Variants in OAS2 observed in about 807,000 individuals in gnomAD.
The protein encoded by OAS2 is 2'-5'-oligoadenylate synthase 2.
Under a neutral mutation model 71.3 loss-of-function variants are expected in OAS2, and 67 were observed. That is an observed-to-expected ratio of 0.94 (90% CI 0.77 to 1.15). The LOEUF (loss-of-function observed/expected upper bound fraction) is 1.15. Among genes scored for constraint, OAS2 ranks in the 50% most tolerant of loss-of-function variants. The probability of loss-of-function intolerance (pLI) is 0.00; values close to 1 mark genes in which losing one functional copy is unlikely to be tolerated. For synonymous variants in OAS2, 327 were observed against 321.8 expected (o/e 1.02, Z -0.17); for missense variants, 789 against 822.5 (o/e 0.96, Z 0.50).
intron 2 of OAS2, among the ~76,000 whole-genome samples, chr12:112,993,291 C>T (rs1412818832): frequency 6.6e-6 from 1 of 152,188 alleles, no homozygotes; most frequent in Non-Finnish European, 1.5e-5. Flanking sequence ...GCAAGAAGTA[C>T]CTATTTACTT....
At chr12:113,001,633 A>G (rs2136391273) in intron 5 of OAS2, among the ~76,000 whole-genome samples, 1 of 151,154 alleles carries the variant, frequency 6.6e-6, no homozygotes, top group South Asian at 2.1e-4. Flanking sequence ...ATAGCATAGC[A>G]TCTTCCAGCC....
rs753899364 is a variant in OAS2 at position 113,007,705 on chromosome 12, T to C, written c.1657T>C (p.Cys553Arg). 6.2e-7 allele frequency: 1 copy of C among 1,613,308 alleles called. No homozygotes were observed. The highest frequency in any genetic ancestry group is 1.1e-5 in the South Asian group (1 of 90,978). ...GTCTGATGTTCCCACTCTTACCTAG[T>C]GTGAAAGGAAACTGAAGCCAAAGGG... ...IRLVKHWYKE[C>R]ERKLKPKGSL... Residue 553 changes from cysteine (C) to arginine (R), a missense_variant and splice_region_variant, in exon 9 of 10, where the codon TGT becomes CGT. Cys to Arg is a radical substitution (Grantham distance 180). Coordinates refer to ENST00000392583, the MANE Select transcript of OAS2 (RefSeq NM_002535.3).
rs772486841 is a variant in OAS2 at position 113,009,807 on chromosome 12, C to T, written c.*552C>T. Reference sequence around the variant, plus strand: ...AGGTGGCTACAAAGATGACTGTGGACGTGGGTTGCACTGGCCACCCAAGGA... The same window carrying T: ...AGGTGGCTACAAAGATGACTGTGGATGTGGGTTGCACTGGCCACCCAAGGA... On this transcript the variant is annotated 3_prime_UTR_variant, in exon 10 of 10. Transcript: ENST00000392583. 16 of 986,702 alleles carry T rather than the reference C, an allele frequency of 1.6e-5. No homozygotes were observed. The highest frequency in any genetic ancestry group is 1.9e-5 in the Non-Finnish European group (16 of 831,092). The allele number at this position is 986,702 out of a possible 1,614,324, so 61.1% of individuals were successfully genotyped here. A position where few individuals can be genotyped will look rare whatever the true frequency, so the allele number is the denominator to read the frequency against.
Position 112,978,821 on chromosome 12 carries a change from A to G in OAS2, c.177+36A>G. The G allele has an allele frequency of 6.3e-7, 1 of 1,577,056 alleles. No homozygotes were observed. Among genetic ancestry groups the G allele is most frequent in the Non-Finnish European group, 8.6e-7 (1 of 1,159,562 alleles). On this transcript the variant is annotated intron_variant, in intron 1 of 9. Coordinates refer to ENST00000392583, the MANE Select transcript of OAS2 (RefSeq NM_002535.3). This position sits in a 1 kb window ranked among gnomAD's most constrained non-coding sequence, Gnocchi z 4.2. ...GGCTGAGGTTGGGTCTCTGGGAGGC[A>G]GGAGATTCCACGGCGGCAGCAAGGC...
At chr12:112,994,929 C>A (rs2044221231) in intron 2 of OAS2, among the ~76,000 whole-genome samples, 1 of 152,204 alleles carries the variant, frequency 6.6e-6, no homozygotes, top group Non-Finnish European at 1.5e-5. Flanking sequence ...ACTTTCCTTT[C>A]TTCCAGATGT....
At chr12:112,988,729 C>T in intron 2 of OAS2, 1 of 985,404 alleles carries the variant, frequency 1.0e-6, no homozygotes, top group Non-Finnish European at 1.2e-6. Context: ...AAGAATGGCG[C>T]ATTCCTCCTT....
At chr12:113,008,859 C>A (rs907347433) in intron 9 of OAS2, among the ~76,000 whole-genome samples, 1 of 152,124 alleles carries the variant, frequency 6.6e-6, no homozygotes, top group Non-Finnish European at 1.5e-5. Context: ...ACTCCTGGCC[C>A]TCAAGTGATC....
Position 113,003,086 on chromosome 12 carries a change from A to G in OAS2, c.1163A>G (p.Lys388Arg). 1 of 1,614,150 alleles carries G rather than the reference A, an allele frequency of 6.2e-7. No individual in the cohort carries two copies. Among genetic ancestry groups the G allele is most frequent in the Non-Finnish European group, 8.5e-7 (1 of 1,179,998 alleles). Residue 388 changes from lysine (K) to arginine (R), a missense_variant, in exon 6 of 10, where the codon AAG becomes AGG. Transcript: ENST00000392583. ...KENCFRQSTA[K>R]IQIVRGGSTA... ...AACTGCTTCCGACAATCAACAGCCA[A>G]GATCCAGATTGTCCGGGTGAGCACT...
intron 5 of OAS2, among the ~76,000 whole-genome samples, chr12:112,999,915 C>A (rs1339959205): frequency 6.6e-6 from 1 of 152,112 alleles, no homozygotes; most frequent in Non-Finnish European, 1.5e-5. Context: ...TGTTTTTAAT[C>A]TTTTTTTAAG....
At chr12:113,003,756 T>C (rs1036160770) in intron 6 of OAS2, among the ~76,000 whole-genome samples, 7 of 152,202 alleles carry the variant, frequency 4.6e-5, no homozygotes, top group African/African-American at 1.7e-4. Context: ...CACGACCAGA[T>C]AAACGTGTCC....
At chr12:112,994,375 C>A (rs1299463417) in intron 2 of OAS2, among the ~76,000 whole-genome samples, 1 of 152,148 alleles carries the variant, frequency 6.6e-6, no homozygotes, top group Non-Finnish European at 1.5e-5. Flanking sequence ...CTAGACTGAA[C>A]CCCTGGTGTT....
At chr12:112,992,170 G>A (rs903698542) in intron 2 of OAS2, among the ~76,000 whole-genome samples, 5 of 152,118 alleles carry the variant, frequency 3.3e-5, no homozygotes, top group Non-Finnish European at 5.9e-5. Context: ...TGAGGCAAGA[G>A]GATTACTTGA....
chr12:112,983,383 G>C (rs756505773), intron 1 of OAS2, among the ~76,000 whole-genome samples: 1 of 151,984 alleles, frequency 6.6e-6, no homozygotes, highest in African/African-American at 2.4e-5. Flanking sequence ...GCACCACCAC[G>C]CCCGGCTAAT....
rs1473551037 is a variant in OAS2, at chr12:113,006,721, A to T, written c.1656+121A>T. Reference sequence around the variant, plus strand: ...CTGAGCCACTTTGGAGAATCTGCCCACTGGATATCTTTACGACGTTCCCAT... The same window carrying T: ...CTGAGCCACTTTGGAGAATCTGCCCTCTGGATATCTTTACGACGTTCCCAT... On this transcript the variant is annotated intron_variant, in intron 8 of 9. Transcript: ENST00000392583. 7.5e-6 allele frequency: 6 copies of T among 796,082 alleles called. No individual in the cohort carries two copies. In the East Asian group the frequency reaches 1.5e-4, roughly 20 times the overall value. The allele number at this position is 796,082 out of a possible 1,614,324, so 49.3% of individuals were successfully genotyped here.
chr12:112,984,857 C>A (rs1348797265), intron 1 of OAS2, among the ~76,000 whole-genome samples: 1 of 152,100 alleles, frequency 6.6e-6, no homozygotes, highest in Non-Finnish European at 1.5e-5. Flanking sequence ...GATGAATTCC[C>A]TCTGTTTTTG....
intron 5 of OAS2, among the ~76,000 whole-genome samples, 189 bp from the exon 6 acceptor site, chr12:113,002,743 G>A (rs2044300248): frequency 1.3e-5 from 2 of 152,150 alleles, no homozygotes; most frequent in African/African-American, 4.8e-5. Flanking sequence ...GGTCTTGTGT[G>A]CCACTCCAAA....
In OAS2 at chr12:113,007,491, T is replaced by C. The variant is rs1593207491; in HGVS notation, c.1657-214T>C. On this transcript the variant is annotated intron_variant, in intron 8 of 9. Transcript: ENST00000392583. The stretch of plus-strand genomic sequence containing the variant: ...GTAAACTGTAGCTATGTTATTGTCC[T>C]AGGAAGGCATATATGGTCAAAAGCA... Among the ~76,000 whole-genome samples, 3 of 152,312 alleles carry C rather than the reference T, an allele frequency of 2.0e-5. No homozygotes were observed. In the South Asian group the frequency reaches 6.2e-4, roughly 32 times the overall value.
At chr12:112,992,393 G>GAAA (rs57482640) in intron 2 of OAS2, among the ~76,000 whole-genome samples, 2,796 of 96,666 alleles carry the variant, frequency 0.029, 101 homozygotes, top group African/African-American at 0.11. Flanking sequence ...CTTGTCAAAA[G>GAAA]AAAAAAAAAA....
chr12:112,981,705 G>A (rs2044084610), intron 1 of OAS2, among the ~76,000 whole-genome samples: 1 of 151,864 alleles, frequency 6.6e-6, no homozygotes, highest in Admixed American at 6.6e-5. Context: ...GATCTTTTGT[G>A]TTTCCATACA....
Sources: allele counts gnomAD v4.1 joint callset (sites outside exome capture counted in the v4.1 genomes callset), GRCh38; gene constraint gnomAD v4.1.1; non-coding constraint Gnocchi (gnomAD v3.1); transcripts MANE v1.5; gene names NCBI Gene and HGNC (gene_info 2026-07-23, HGNC 2026-07-21).